UHRF2: variants seen among roughly 807,000 people sequenced by gnomAD.
UHRF2 encodes the protein E3 ubiquitin-protein ligase UHRF2.
In UHRF2, 23 loss-of-function variants were observed where a neutral mutation model predicts 96.8. The ratio of observed to expected loss-of-function variants is 0.24; its 90% CI spans 0.17 to 0.34. The LOEUF is 0.34. UHRF2 is among the 10% of genes least tolerant of loss of function. UHRF2 has a pLI of 1.00. For synonymous variants in UHRF2, 385 were observed against 332.6 expected (o/e 1.16, Z -1.72); for missense variants, 685 against 981.5 (o/e 0.70, Z 4.04).
intron 5 of UHRF2, among the ~76,000 whole-genome samples, chr9:6,476,885 G>A (rs566928150): frequency 1.4e-3 from 209 of 152,160 alleles, no homozygotes; most frequent in African/African-American, 4.8e-3. Flanking sequence ...GAGCCACCAC[G>A]CCCGGCCTCA....
At position 6,477,636 on chromosome 9, in the gene UHRF2, G is replaced by C. The variant is rs1336129287; in HGVS notation, c.988G>C (p.Glu330Gln). 8.7e-6 allele frequency: 14 copies of C among 1,611,874 alleles called. No homozygotes were observed. Among genetic ancestry groups the C allele is most frequent in the Non-Finnish European group, 1.2e-5 (14 of 1,179,084 alleles). ...DGKFLRRNDPECDLCGGDPEK... is the reference protein window; with the variant it reads ...DGKFLRRNDPQCDLCGGDPEK... The stretch of plus-strand genomic sequence containing the variant: ...GTTCTTAATAGGGCGAAATGACCCT[G>C]AATGTGACCTGTGTGGTGGAGACCC... Residue 330 changes from glutamate to glutamine, a missense_variant, in exon 6 of 16, where the codon GAA (glutamate) becomes CAA (glutamine). Coordinates refer to ENST00000276893, the MANE Select transcript of UHRF2 (RefSeq NM_152896.3).
Position 6,459,244 on chromosome 9 carries a change from C to A in UHRF2, c.645-1329C>A, listed in dbSNP as rs1281909599. Among the ~76,000 whole-genome samples, 4 of 152,178 alleles carry A rather than the reference C, an allele frequency of 2.6e-5. No homozygotes were observed. In the South Asian group the frequency reaches 8.3e-4, roughly 31 times the overall value. ...AAGAAAGAAAGAAACTGGAATCTTT[C>A]CTTTCTCTTTCAGGGAAAATGGAGA... On this transcript the variant is annotated intron_variant, in intron 3 of 15. Transcript: ENST00000276893.
chr9:6,468,343 G>GT (rs1823002674), intron 4 of UHRF2: 2 of 426,768 alleles, frequency 4.7e-6, no homozygotes, highest in Non-Finnish European at 9.5e-6. Flanking sequence ...GAAAGCACCT[G>GT]TTTGCAGGTA....
intron 9 of UHRF2, among the ~76,000 whole-genome samples, chr9:6,489,650 T>C (rs2130937765): frequency 6.6e-6 from 1 of 152,330 alleles, no homozygotes; most frequent in Non-Finnish European, 1.5e-5. Context: ...CGTGATTCGT[T>C]TGCTTATTTG....
At chr9:6,484,239 G>A (rs1824109249) in intron 8 of UHRF2, among the ~76,000 whole-genome samples, 1 of 151,698 alleles carries the variant, frequency 6.6e-6, no homozygotes, top group Non-Finnish European at 1.5e-5. Flanking sequence ...CTGTGTTTTT[G>A]TTTTGTTTTG....
At chr9:6,505,823 A>G (rs925964793) in intron 15 of UHRF2, among the ~76,000 whole-genome samples, 2 of 152,200 alleles carry the variant, frequency 1.3e-5, no homozygotes, top group African/African-American at 4.8e-5. Flanking sequence ...TTACATAAAT[A>G]ATTTACCTGA....
intron 4 of UHRF2, among the ~76,000 whole-genome samples, chr9:6,463,768 G>C (rs115174874): frequency 0.014 from 2,090 of 152,094 alleles, 45 homozygotes; most frequent in African/African-American, 0.047. Flanking sequence ...ACCGTGTCTG[G>C]AGAAAAAAAA....
At chr9:6,461,915 A>G (rs1339787718) in intron 4 of UHRF2, among the ~76,000 whole-genome samples, 3 of 151,850 alleles carry the variant, frequency 2.0e-5, no homozygotes, top group Non-Finnish European at 2.9e-5. Context: ...ATTTTTGTGC[A>G]TTTCTTTTCT....
intron 3 of UHRF2, among the ~76,000 whole-genome samples, chr9:6,439,917 C>T (rs566233113): frequency 1.3e-5 from 2 of 152,018 alleles, no homozygotes; most frequent in South Asian, 4.2e-4. Context: ...GTAATAGAGG[C>T]AATTATAAAT....
chr9:6,500,443 G>C lies in UHRF2; in HGVS notation c.2006-109G>C, dbSNP rs867813870. 1.1e-5 allele frequency: 10 copies of C among 945,170 alleles called. No homozygotes were observed. In the African/African-American group the frequency reaches 1.7e-4, roughly 16 times the overall value. The allele number at this position is 945,170 out of a possible 1,614,324, so 58.5% of individuals were successfully genotyped here. Reference sequence around the variant, plus strand: ...TAGGGGAAATTAGATGCTGTTTTATGTTGGTTATCTTTCTGCTAAACATTA... The same window carrying C: ...TAGGGGAAATTAGATGCTGTTTTATCTTGGTTATCTTTCTGCTAAACATTA... On this transcript the variant is annotated intron_variant, in intron 13 of 15. Transcript: ENST00000276893.
intron 2 of UHRF2, among the ~76,000 whole-genome samples, chr9:6,429,167 GAA>G (rs879346848): frequency 7.4e-6 from 1 of 135,276 alleles, no homozygotes. Context: ...TCTGTCTCAG[GAA>G]AAAAAAAAAA....
At chr9:6,446,970 G>T (rs960587680) in intron 3 of UHRF2, among the ~76,000 whole-genome samples, 1 of 152,164 alleles carries the variant, frequency 6.6e-6, no homozygotes, top group East Asian at 1.9e-4. Context: ...CTCACTGCAA[G>T]CTCCGCCTCC....
At chr9:6,505,103 GTT>G (rs1279039961) in intron 15 of UHRF2, among the ~76,000 whole-genome samples, 4 of 152,120 alleles carry the variant, frequency 2.6e-5, no homozygotes, top group African/African-American at 9.7e-5. Context: ...TGAAAGGAAA[GTT>G]TGTGTTTTAG....
chr9:6,416,027 A>C (rs1379755067), intron 1 of UHRF2, among the ~76,000 whole-genome samples: 2 of 152,116 alleles, frequency 1.3e-5, no homozygotes, highest in African/African-American at 4.8e-5. Context: ...ATGTAGGTGA[A>C]GTTGGAGAAG....
chr9:6,494,881 T>A (rs1824871588), intron 10 of UHRF2: 1 of 152,176 alleles, frequency 6.6e-6, no homozygotes, highest in African/African-American at 2.4e-5. Flanking sequence ...AATCTCTGTT[T>A]TTATGTGTTC....
At chr9:6,422,706 G>A (rs1563742248) in intron 2 of UHRF2, 1 of 545,878 alleles carries the variant, frequency 1.8e-6, no homozygotes, top group Non-Finnish European at 3.4e-6. Context: ...ACCTGCTGGG[G>A]TCAAGTGATC....
chr9:6,459,508 A>C (rs1822395201), intron 3 of UHRF2, among the ~76,000 whole-genome samples: 1 of 152,192 alleles, frequency 6.6e-6, no homozygotes, highest in Admixed American at 6.5e-5. Context: ...GTCTCTACTA[A>C]AAATTCAAAA....
chr9:6,502,798 GTGTT>G (rs1295524294), intron 14 of UHRF2, among the ~76,000 whole-genome samples: 1 of 152,142 alleles, frequency 6.6e-6, no homozygotes, highest in Non-Finnish European at 1.5e-5. Flanking sequence ...ATTAACAAAG[GTGTT>G]TGTTAGGGAG....
At chr9:6,428,883 G>T (rs940214584) in intron 2 of UHRF2, among the ~76,000 whole-genome samples, 1 of 152,124 alleles carries the variant, frequency 6.6e-6, no homozygotes, top group Non-Finnish European at 1.5e-5. Context: ...GAAAGATGGG[G>T]CCGAGTGTGG....
Sources: gnomAD v4.1 joint callset for allele counts (sites outside exome capture counted in the v4.1 genomes callset) on GRCh38, gnomAD v4.1.1 for gene constraint, MANE v1.5 for transcripts, NCBI Gene and HGNC (gene_info 2026-07-23, HGNC 2026-07-21) for gene names.